The following USP32 variants were observed in gnomAD, a reference collection of about 807,000 sequenced individuals.
USP32 encodes ubiquitin specific peptidase 32.
Under a neutral mutation model 204.8 loss-of-function variants are expected in USP32, and 59 were observed. That is an observed-to-expected ratio of 0.29 (90% CI 0.23 to 0.36). The LOEUF (loss-of-function observed/expected upper bound fraction) is 0.36, where lower values mean the gene tolerates loss of function less well. USP32 is among the 10% of genes least tolerant of loss of function. The probability of loss-of-function intolerance (pLI) is 1.00; values close to 1 mark genes in which losing one functional copy is unlikely to be tolerated. For synonymous variants in USP32, 517 were observed against 678.4 expected, an observed-to-expected ratio of 0.76 and a Z score of 3.70; for missense variants, 1,160 against 1,946.4, an observed-to-expected ratio of 0.60 and a Z score of 7.60.
intron 2 of USP32, among the ~76,000 whole-genome samples, chr17:60,303,447 G>T (rs545180092): frequency 6.6e-6 from 1 of 152,022 alleles, no homozygotes; most frequent in South Asian, 2.1e-4. Context: ...TGTCTTTGAG[G>T]TGTGATAACA....
At chr17:60,405,093 A>C (rs2089965129) in intron 1 of USP32, among the ~76,000 whole-genome samples, 1 of 152,180 alleles carries the variant, frequency 6.6e-6, no homozygotes, top group Admixed American at 6.5e-5. Context: ...TGAACCAGGG[A>C]GGTAGAGGCT....
intron 3 of USP32, among the ~76,000 whole-genome samples, chr17:60,299,849 A>T (rs2087528971): frequency 6.6e-6 from 1 of 152,202 alleles, no homozygotes; most frequent in Non-Finnish European, 1.5e-5. Flanking sequence ...TGTCTGGTGA[A>T]GGACCACTTC....
At chr17:60,277,757 A>G (rs1356995643) in intron 5 of USP32, among the ~76,000 whole-genome samples, 2 of 152,226 alleles carry the variant, frequency 1.3e-5, no homozygotes, top group African/African-American at 2.4e-5. Flanking sequence ...TCACTCAGTT[A>G]GCAAGCTGAA....
At chr17:60,209,588 A>T (rs746213238) in intron 21 of USP32, 45 bp from the exon 22 acceptor site, 6 of 1,403,942 alleles carry the variant, frequency 4.3e-6, no homozygotes, top group Admixed American at 2.6e-5. Context: ...CTACCCATAA[A>T]ATTTGGAATG....
At chr17:60,249,198 TGATG>T (rs2086108392) in intron 11 of USP32, 1 of 152,332 alleles carries the variant, frequency 6.6e-6, no homozygotes, top group Non-Finnish European at 1.5e-5. Context: ...ACCCTTTTCC[TGATG>T]GATCTGTACA....
At position 60,302,205 on chromosome 17, in the gene USP32, G is replaced by C. The variant is rs375337527; in HGVS notation, c.187-501C>G. On this transcript the variant is annotated intron_variant, in intron 2 of 33. Transcript: ENST00000300896. ...GGCTGGAGTGCAATGGCGTCATCTT[G>C]GCTCACTGCAACCTCCACCTCCCAG... Among the ~76,000 whole-genome samples, 10 of 151,898 alleles carry C rather than the reference G, an allele frequency of 6.6e-5. No homozygotes were observed. In the East Asian group the frequency reaches 1.7e-3, roughly 26 times the overall value.
chr17:60,245,277 A>C (rs2085987143), intron 11 of USP32: 2 of 262,730 alleles, frequency 7.6e-6, no homozygotes, highest in Admixed American at 5.3e-5. Flanking sequence ...TAAAACATGC[A>C]TATGAGCTGT....
rs1248387420 is a variant in USP32, at chr17:60,249,535, G to A, written c.1136+2846C>T. 2.2e-5 allele frequency: 11 copies of A among 511,500 alleles called. No homozygotes were observed. The Admixed American group carries it at 4.3e-4, about 20-fold the overall frequency. 31.7% of individuals were successfully genotyped at this position (511,500 alleles called of 1,614,324 possible). A position where few individuals can be genotyped will look rare whatever the true frequency, so the allele number is the denominator to read the frequency against. On this transcript the variant is annotated intron_variant, in intron 11 of 33. Transcript: ENST00000300896. ...TTCCCTCACTGTTTACCACCATGAT[G>A]GTATGTATTTATTTTATTATCCTTG...
intron 3 of USP32, 150 bp from the exon 4 acceptor site, chr17:60,294,951 C>A: frequency 1.8e-6 from 1 of 552,240 alleles, no homozygotes. Context: ...AATAATCCAG[C>A]AACAAAAATT....
chr17:60,321,616 G>C (rs887458686), intron 2 of USP32, among the ~76,000 whole-genome samples: 2 of 152,070 alleles, frequency 1.3e-5, no homozygotes, highest in Non-Finnish European at 2.9e-5. Flanking sequence ...AATTCCCAAA[G>C]AAATGAGGGC....
At chr17:60,268,497 C>T (rs911281787) in intron 7 of USP32, among the ~76,000 whole-genome samples, 10 of 144,858 alleles carry the variant, frequency 6.9e-5, no homozygotes, top group Admixed American at 3.6e-4. Flanking sequence ...CCATTGAGCC[C>T]AGAAGTTCAA....
chr17:60,236,351 A>G (rs2085725426), intron 11 of USP32, 111 bp from the exon 12 acceptor site: 2 of 821,626 alleles, frequency 2.4e-6, no homozygotes, highest in South Asian at 1.7e-5. Context: ...ATTTAGATGT[A>G]ATTAGGAGAG....
intron 2 of USP32, among the ~76,000 whole-genome samples, chr17:60,342,036 TG>T (rs1314758913): frequency 6.6e-6 from 1 of 152,208 alleles, no homozygotes; most frequent in African/African-American, 2.4e-5. Flanking sequence ...CCCATCTTTG[TG>T]GTTTTTATCT....
intron 12 of USP32, among the ~76,000 whole-genome samples, chr17:60,233,519 C>T (rs9910339): frequency 3.3e-5 from 5 of 152,204 alleles, no homozygotes; most frequent in East Asian, 3.9e-4. Context: ...ATTTAATCCT[C>T]GTAACACTAT....
At chr17:60,326,635 T>C (rs189349242) in intron 2 of USP32, among the ~76,000 whole-genome samples, 1 of 152,324 alleles carries the variant, frequency 6.6e-6, no homozygotes, top group Admixed American at 6.5e-5. Flanking sequence ...ACTTAATACT[T>C]ATAGCAGCAG....
intron 2 of USP32, among the ~76,000 whole-genome samples, chr17:60,333,025 A>T (rs2088428043): frequency 6.6e-6 from 1 of 152,198 alleles, no homozygotes; most frequent in Non-Finnish European, 1.5e-5. Context: ...TCAAAGAAAG[A>T]CTACTCAATG....
At chr17:60,308,785 G>A (rs897609705) in intron 2 of USP32, among the ~76,000 whole-genome samples, 3 of 152,130 alleles carry the variant, frequency 2.0e-5, no homozygotes, top group Non-Finnish European at 4.4e-5. Context: ...AAAATTAGCT[G>A]AGCGTGGTGG....
chr17:60,379,431 T>C (rs1050281599), intron 1 of USP32, among the ~76,000 whole-genome samples: 1 of 152,112 alleles, frequency 6.6e-6, no homozygotes, highest in Non-Finnish European at 1.5e-5. Context: ...GATACTAAGA[T>C]AAACAGAAAA....
chr17:60,349,654 CATATATATACACATAT>C (rs1567867518), intron 1 of USP32, among the ~76,000 whole-genome samples: 1 of 74,044 alleles, frequency 1.4e-5, no homozygotes, highest in African/African-American at 8.8e-5. Context: ...TATATATATA[CATATATATACACATAT>C]ATATATACAC....
Sources: gnomAD v4.1 joint callset for allele counts (sites outside exome capture counted in the v4.1 genomes callset) on GRCh38, gnomAD v4.1.1 for gene constraint, MANE v1.5 for transcripts, NCBI Gene and HGNC (gene_info 2026-07-23, HGNC 2026-07-21) for gene names.